The following CAST variants were observed in gnomAD, a reference collection of about 807,000 sequenced individuals.
CAST encodes calpastatin.
In CAST, 76 loss-of-function variants were observed where a neutral mutation model predicts 119.6. That is an observed-to-expected ratio of 0.64 (90% CI 0.53 to 0.77). CAST has a LOEUF of 0.77. CAST is among the 30% of genes least tolerant of loss of function. The pLI, the probability that CAST is intolerant of heterozygous loss-of-function variation, is 0.00. For missense variants in CAST, 953 were observed against 946.5 expected, an observed-to-expected ratio of 1.01 and a Z score of -0.09; for synonymous variants, 319 against 331.6, an observed-to-expected ratio of 0.96 and a Z score of 0.41.
At chr5:96,105,719 G>T in the CAST span, among the ~76,000 whole-genome samples, 1 of 152,154 alleles carries the variant, frequency 6.6e-6, no homozygotes, top group South Asian at 2.1e-4. Context: ...GTCTCTGCCC[G>T]ACTTTGGTAT....
intron 3 of CAST, among the ~76,000 whole-genome samples, chr5:96,698,152 A>G (rs1188485360): frequency 2.0e-5 from 3 of 152,136 alleles, no homozygotes; most frequent in Non-Finnish European, 4.4e-5. Flanking sequence ...AACCACACCC[A>G]GTTTTTTCTT....
chr5:96,297,079 TAGAA>T, the CAST span, among the ~76,000 whole-genome samples: 3 of 152,228 alleles, frequency 2.0e-5, no homozygotes, highest in African/African-American at 7.2e-5. Flanking sequence ...TACATTCTCT[TAGAA>T]AGATTTTAAT....
At chr5:96,072,569 G>C in the CAST span, among the ~76,000 whole-genome samples, 1 of 152,160 alleles carries the variant, frequency 6.6e-6, no homozygotes, top group Non-Finnish European at 1.5e-5. Context: ...GAGTTTCAGG[G>C]AGGATTTTCA....
intron 1 of CAST, among the ~76,000 whole-genome samples, chr5:96,580,973 C>T (rs1746761203): frequency 6.6e-6 from 1 of 152,194 alleles, no homozygotes; most frequent in Admixed American, 6.5e-5. Context: ...TGAGAAGGCA[C>T]CATCTATGAG....
chr5:96,577,232 T>C (rs1364405068), intron 1 of CAST, among the ~76,000 whole-genome samples: 2 of 152,172 alleles, frequency 1.3e-5, no homozygotes, highest in Non-Finnish European at 2.9e-5. Flanking sequence ...ATTCCATTAT[T>C]ATCTTGTAGG....
At chr5:96,309,861 T>C in the CAST span, among the ~76,000 whole-genome samples, 1 of 152,270 alleles carries the variant, frequency 6.6e-6, no homozygotes, top group East Asian at 1.9e-4. Context: ...TCTGCGTTGA[T>C]CTTGCTGGGA....
the CAST span, among the ~76,000 whole-genome samples, chr5:96,163,632 A>G: frequency 1.3e-5 from 2 of 152,230 alleles, no homozygotes; most frequent in Non-Finnish European, 2.9e-5. Context: ...GTAGATTTCT[A>G]TTGCCCAGCC....
chr5:96,129,534 C>G, the CAST span, among the ~76,000 whole-genome samples: 1 of 152,102 alleles, frequency 6.6e-6, no homozygotes, highest in African/African-American at 2.4e-5. Context: ...TCATCAGGAA[C>G]TGTCATGAAT....
the CAST span, among the ~76,000 whole-genome samples, chr5:96,312,678 A>G: frequency 1.3e-5 from 2 of 152,138 alleles, no homozygotes; most frequent in African/African-American, 4.8e-5. Flanking sequence ...GACACAAACT[A>G]GTAAAAGCAA....
the CAST span, among the ~76,000 whole-genome samples, chr5:96,383,613 T>G: frequency 6.6e-6 from 1 of 152,066 alleles, no homozygotes; most frequent in South Asian, 2.1e-4. Flanking sequence ...GCCCAGCTAA[T>G]TTTTTTGTAT....
At chr5:96,326,207 G>A in the CAST span, among the ~76,000 whole-genome samples, 8 of 152,112 alleles carry the variant, frequency 5.3e-5, no homozygotes, top group Non-Finnish European at 1.2e-4. Context: ...TGGTGCTGCT[G>A]CTTTGCTGAG....
chr5:96,281,286 G>A, the CAST span, among the ~76,000 whole-genome samples: 324 of 152,184 alleles, frequency 2.1e-3, 2 homozygotes, highest in Admixed American at 5.6e-3. Flanking sequence ...AACTCAAAAG[G>A]TAGCATGACT....
At chr5:95,992,684 A>T in the CAST span, among the ~76,000 whole-genome samples, 1 of 152,170 alleles carries the variant, frequency 6.6e-6, no homozygotes, top group Non-Finnish European at 1.5e-5. Flanking sequence ...TATTTAGTTT[A>T]GTTAATAGTG....
intron 2 of CAST, among the ~76,000 whole-genome samples, chr5:96,690,735 G>A (rs73138616): frequency 0.028 from 4,296 of 152,290 alleles, 76 homozygotes; most frequent in Middle Eastern, 0.048. Flanking sequence ...GTAAATAAGA[G>A]TCAGAGTTTT....
chr5:96,097,020 C>T, the CAST span, among the ~76,000 whole-genome samples: 1 of 152,134 alleles, frequency 6.6e-6, no homozygotes, highest in Non-Finnish European at 1.5e-5. Context: ...TGCACTGCCA[C>T]CTGATATTTT....
At chr5:96,550,439 A>G (rs11749612) in intron 1 of CAST, among the ~76,000 whole-genome samples, 6,261 of 152,332 alleles carry the variant, frequency 0.041, 213 homozygotes, top group African/African-American at 0.089. Context: ...AAAGGTAGAT[A>G]AAACCACAAA....
intron 1 of CAST, among the ~76,000 whole-genome samples, chr5:96,589,079 C>T (rs997844837): frequency 6.6e-6 from 1 of 151,256 alleles, no homozygotes; most frequent in African/African-American, 2.4e-5. Flanking sequence ...ACCACAACTA[C>T]CCTTCCTTCC....
chr5:96,633,774 G>A (rs1000876778), intron 1 of CAST, among the ~76,000 whole-genome samples: 19 of 152,222 alleles, frequency 1.2e-4, no homozygotes, highest in Non-Finnish European at 2.6e-4. Context: ...GCTAGCTAGA[G>A]GGAAAAGATG....
chr5:96,391,893 T>G, the CAST span: 1 of 152,218 alleles, frequency 6.6e-6, no homozygotes, highest in Admixed American at 6.5e-5. Flanking sequence ...AGTTTCTGCT[T>G]CTGATTTGAA....
Sources: gnomAD v4.1 joint callset for allele counts (sites outside exome capture counted in the v4.1 genomes callset) on GRCh38, gnomAD v4.1.1 for gene constraint, MANE v1.5 for transcripts, NCBI Gene and HGNC (gene_info 2026-07-23, HGNC 2026-07-21) for gene names.